Variants in USP42 observed in about 807,000 individuals in gnomAD.
USP42 encodes ubiquitin specific peptidase 42, also known as ubiquitin carboxyl-terminal hydrolase 42.
USP42 carries 23 observed loss-of-function variants against 113.0 expected under a neutral mutation model. That is an observed-to-expected ratio of 0.20 (90% CI 0.15 to 0.29). The LOEUF (loss-of-function observed/expected upper bound fraction) is 0.29. USP42 is among the 10% of genes least tolerant of loss of function. The pLI is 1.00. For missense variants in USP42, 2,174 were observed against 1,779.8 expected, an observed-to-expected ratio of 1.22 and a Z score of -3.99; for synonymous variants, 933 against 699.0, an observed-to-expected ratio of 1.33 and a Z score of -5.28.
In USP42 at chr7:6,156,889, C is replaced by T. The variant is rs1390950968; in HGVS notation, c.3777C>T (p.Pro1259=). 7.4e-6 allele frequency: 12 copies of T among 1,613,700 alleles called. No homozygotes were observed. The highest frequency in any genetic ancestry group is 1.0e-5 in the Non-Finnish European group (12 of 1,179,804). The change falls in exon 16 of 18, where the codon CCC becomes CCT. Residue 1259 remains proline (P), a synonymous_variant. Coordinates refer to ENST00000306177, the MANE Select transcript of USP42 (RefSeq NM_032172.3). ...TTAAAGATTCAGAACTGCACTTACC[C>T]AGGGTCACCAGCTTGGAGACTGTCG... ...DFVKDSELHL[P]RVTSLETVAQ... is the part of the protein sequence containing the mutation.
intron 1 of USP42, among the ~76,000 whole-genome samples, chr7:6,106,824 C>G (rs1027466982): frequency 6.6e-6 from 1 of 152,156 alleles, no homozygotes; most frequent in Non-Finnish European, 1.5e-5. Flanking sequence ...CCTTGGCCTC[C>G]CAAAGTGTTG....
At chr7:6,147,956 A>C in intron 12 of USP42, 64 bp downstream of exon 12, 33 of 1,495,374 alleles carry the variant, frequency 2.2e-5, no homozygotes, top group Non-Finnish European at 2.5e-5. Flanking sequence ...TCAAACTCTC[A>C]AGTTGAATTG....
intron 14 of USP42, among the ~76,000 whole-genome samples, chr7:6,151,500 C>T (rs1483475671): frequency 2.0e-5 from 3 of 152,246 alleles, no homozygotes; most frequent in African/African-American, 2.4e-5. Flanking sequence ...TACAGTGGTG[C>T]GATCTCAGCT....
At chr7:6,106,862 C>CTGT (rs1370048591) in intron 1 of USP42, among the ~76,000 whole-genome samples, 9 of 152,166 alleles carry the variant, frequency 5.9e-5, no homozygotes, top group Admixed American at 4.6e-4. Flanking sequence ...CACCATGCCC[C>CTGT]ACCTGTAGGT....
chr7:6,086,553 T>G, the USP42 span, among the ~76,000 whole-genome samples: 2 of 150,844 alleles, frequency 1.3e-5, no homozygotes, highest in Non-Finnish European at 2.9e-5. Context: ...TTTCACCATG[T>G]TGGCCATGCT....
chr7:6,114,556 AAC>A (rs895265270), intron 2 of USP42, among the ~76,000 whole-genome samples: 5 of 149,946 alleles, frequency 3.3e-5, no homozygotes, highest in African/African-American at 1.2e-4. Flanking sequence ...ATTTACATGA[AAC>A]AGTCATTCAG....
Position 6,159,799 on chromosome 7 carries a change from G to T in USP42, c.*36+306G>T, listed in dbSNP as rs1717082279. On this transcript the variant is annotated intron_variant, in intron 17 of 17. Coordinates refer to ENST00000306177, the MANE Select transcript of USP42 (RefSeq NM_032172.3). The surrounding 1 kb of genome is among the most constrained non-coding windows in gnomAD (Gnocchi z 4.1). ...AAAGCCAACCCGGCTCACAGCGGCA[G>T]AGCCCACGGGCCTTTGATAAACATC... Among the ~76,000 whole-genome samples, 1 of 152,260 alleles carries T rather than the reference G, an allele frequency of 6.6e-6. No individual in the cohort carries two copies. Among genetic ancestry groups the T allele is most frequent in the South Asian group, 2.1e-4 (1 of 4,834 alleles).
Position 6,153,890 on chromosome 7 carries a change from G to A in USP42, c.2336G>A (p.Arg779His), listed in dbSNP as rs61729726. ...AGCACCAAGAAGGCTCCGCCGCCCC[G>A]CGATCCCGGCACCCCCGCTACCAAA... ...LSSTKKAPPP[R>H]DPGTPATKEG... is the part of the protein sequence containing the mutation. The change falls in exon 15 of 18, where the codon CGC becomes CAC. Residue 779 changes from arginine to histidine, a missense_variant. Transcript: ENST00000306177. The A allele has an allele frequency of 1.0e-5, 16 of 1,576,790 alleles. No homozygotes were observed. Among genetic ancestry groups the A allele is most frequent in the African/African-American group, 4.1e-5 (3 of 73,576 alleles).
chr7:6,160,294 T>A (rs1251761821), intron 17 of USP42, among the ~76,000 whole-genome samples: 1 of 152,190 alleles, frequency 6.6e-6, no homozygotes, highest in Non-Finnish European at 1.5e-5. Flanking sequence ...CTAAACTTCC[T>A]GAGTGAGGGG....
At chr7:6,093,175 C>G in the USP42 span, 1 of 142,388 alleles carries the variant, frequency 7.0e-6, no homozygotes, top group East Asian at 2.1e-4. Flanking sequence ...CCTTCCTTCC[C>G]TCCCTCTCTC....
At chr7:6,134,415 C>G (rs1018359611) in intron 3 of USP42, among the ~76,000 whole-genome samples, 2 of 152,074 alleles carry the variant, frequency 1.3e-5, no homozygotes, top group East Asian at 3.9e-4. Flanking sequence ...TTATTGGGTG[C>G]TGGGATTTTT....
At chr7:6,092,057 C>CTTCTTCTTCTTCTTCTTCT in the USP42 span, among the ~76,000 whole-genome samples, 13 of 56,636 alleles carry the variant, frequency 2.3e-4, no homozygotes, top group African/African-American at 9.7e-4. Flanking sequence ...CTTCTTCTTT[C>CTTCTTCTTCTTCTTCTTCT]TTCTTCTTCT....
intron 3 of USP42, among the ~76,000 whole-genome samples, chr7:6,134,035 T>C (rs6961833): frequency 0.46 from 69,445 of 151,442 alleles, 19,480 homozygotes; most frequent in African/African-American, 0.77. Context: ...GGACTACAGG[T>C]GCCCACCACC....
intron 4 of USP42, among the ~76,000 whole-genome samples, chr7:6,137,890 A>G (rs1165493617): frequency 2.6e-5 from 4 of 152,260 alleles, no homozygotes; most frequent in South Asian, 2.1e-4. Flanking sequence ...CATGTTAGCC[A>G]GGATGGCCTC....
At position 6,146,192 on chromosome 7, in the gene USP42, T is replaced by G; in HGVS notation, c.1176T>G (p.Ser392=). Residue 392 remains serine, a synonymous_variant, in exon 11 of 18, where the codon TCT becomes TCG. Transcript: ENST00000306177. ...ATCAAATGAATGACTCCATTGTATCTACCAGTGATATTAGATCGGTACTCA... is the reference window on the plus strand; with the variant it reads ...ATCAAATGAATGACTCCATTGTATCGACCAGTGATATTAGATCGGTACTCA... ...LWYQMNDSIV[S]TSDIRSVLSQ... is the part of the protein sequence containing the mutation. The G allele has an allele frequency of 6.2e-7, 1 of 1,604,906 alleles. No individual in the cohort carries two copies. Among genetic ancestry groups the G allele is most frequent in the Non-Finnish European group, 8.5e-7 (1 of 1,176,020 alleles).
the USP42 span, among the ~76,000 whole-genome samples, chr7:6,084,970 C>T: frequency 1.3e-5 from 2 of 150,968 alleles, no homozygotes; most frequent in Non-Finnish European, 2.9e-5. Flanking sequence ...TCACACACCT[C>T]GGCCTCTCAG....
Position 6,154,142 on chromosome 7 carries a change from CGGA to C in USP42, c.2593_2595del (p.Glu865del). On this transcript the variant is annotated inframe_deletion, in exon 15 of 18. Transcript: ENST00000306177. ...TTGAGTCCGGCTCCGCCTGCGCGGT[CGGA>C]GGAGCCCTGCGAGCAGCCACTCCTT... 6.3e-7 allele frequency: 1 copy of C among 1,595,458 alleles called. No individual in the cohort carries two copies. The highest frequency in any genetic ancestry group is 8.5e-7 in the Non-Finnish European group (1 of 1,172,230).
upstream of USP42, among the ~76,000 whole-genome samples, chr7:6,102,960 G>A (rs1790173508): frequency 6.6e-6 from 1 of 151,046 alleles, no homozygotes; most frequent in Non-Finnish European, 1.5e-5. Flanking sequence ...CTCAGGGAGG[G>A]TCAGGACAGC....
chr7:6,144,607 C>T (rs1314559453), intron 9 of USP42, among the ~76,000 whole-genome samples: 1 of 152,146 alleles, frequency 6.6e-6, no homozygotes. Flanking sequence ...TGGTGGCTCA[C>T]GCCCGTAATC....
Sources: allele counts gnomAD v4.1 joint callset (sites outside exome capture counted in the v4.1 genomes callset), GRCh38; gene constraint gnomAD v4.1.1; non-coding constraint Gnocchi (gnomAD v3.1); transcripts MANE v1.5; gene names NCBI Gene and HGNC (gene_info 2026-07-23, HGNC 2026-07-21).